Variants in KCTD19 observed in about 807,000 individuals in gnomAD.
KCTD19 encodes BTB/POZ domain-containing protein KCTD19.
KCTD19 carries 67 observed loss-of-function variants against 103.5 expected under a neutral mutation model. That is an observed-to-expected ratio of 0.65 (90% CI 0.53 to 0.79). The LOEUF is 0.79. KCTD19 is among the 30% of genes least tolerant of loss of function. KCTD19 has a pLI of 0.00. For synonymous variants in KCTD19, 439 were observed against 452.2 expected, an observed-to-expected ratio of 0.97 and a Z score of 0.37; for missense variants, 980 against 1,136.1, an observed-to-expected ratio of 0.86 and a Z score of 1.98.
chr16:67,306,352 G>T (rs567934585), intron 2 of KCTD19, among the ~76,000 whole-genome samples: 1 of 152,028 alleles, frequency 6.6e-6, no homozygotes, highest in African/African-American at 2.4e-5. Context: ...TGCAACCTCC[G>T]CCTCCTGGGT....
intron 11 of KCTD19, 77 bp downstream of exon 11, chr16:67,294,503 A>C: frequency 1.0e-6 from 1 of 1,003,142 alleles, no homozygotes; most frequent in Non-Finnish European, 1.6e-6. Flanking sequence ...CCAGTAGCTG[A>C]ACCTACCCCC....
At chr16:67,302,010 T>G in intron 4 of KCTD19, 88 bp from the exon 5 acceptor site, 1 of 1,213,462 alleles carries the variant, frequency 8.2e-7, no homozygotes, top group South Asian at 1.3e-5. Flanking sequence ...TCTGGTGCTG[T>G]AACTTATCCT....
In KCTD19 at chr16:67,289,680, A is replaced by C. The variant is rs376980368; in HGVS notation, c.2670T>G (p.Leu890=). The C allele has an allele frequency of 6.2e-7, 1 of 1,611,322 alleles. No homozygotes were observed. Among genetic ancestry groups the C allele is most frequent in the Non-Finnish European group, 8.5e-7 (1 of 1,177,636 alleles). ...TQERLYSWVE[L]TLPFARKYGR... is the part of the protein sequence containing the mutation. ...CATATTTCCTGGCGAAGGGCAGTGT[A>C]AGCTGGAAGGAAAGGCCAGTCTTAT... is the stretch of plus-strand genomic sequence containing the variant. The change falls in exon 16 of 16, where the codon CTT becomes CTG. Residue 890 remains leucine, a splice_region_variant and synonymous_variant. Coordinates refer to ENST00000304372, the MANE Select transcript of KCTD19 (RefSeq NM_001100915.3).
intron 2 of KCTD19, among the ~76,000 whole-genome samples, chr16:67,306,315 G>C (rs1451654671): frequency 1.3e-5 from 2 of 152,212 alleles, no homozygotes; most frequent in African/African-American, 4.8e-5. Context: ...ACCCAGGCTG[G>C]AGTGCAGTGG....
chr16:67,294,690 A>G lies in KCTD19; in HGVS notation c.1480T>C (p.Trp494Arg), dbSNP rs1302130014. 4.3e-6 allele frequency: 7 copies of G among 1,612,286 alleles called. No homozygotes were observed. Among genetic ancestry groups the G allele is most frequent in the Non-Finnish European group, 5.9e-6 (7 of 1,178,402 alleles). ...ALAQCEAYKS[W>R]TQEKESENEE... ...TTTTCAGATTCTTTCTCCTGAGTCC[A>G]TGACCTGCAGAAACCAAGAGGGGTT... Residue 494 changes from tryptophan (W) to arginine (R), a missense_variant, in exon 11 of 16, where the codon TGG becomes CGG. Physicochemically the swap from Trp to Arg is moderately radical, Grantham distance 101 (BLOSUM62 -3). Coordinates refer to ENST00000304372, the MANE Select transcript of KCTD19 (RefSeq NM_001100915.3).
chr16:67,313,674 C>T (rs761024097), intron 2 of KCTD19, among the ~76,000 whole-genome samples: 15 of 151,992 alleles, frequency 9.9e-5, no homozygotes, highest in East Asian at 2.0e-4. Flanking sequence ...CTGCAACCTC[C>T]GCCTCCCGGG....
Position 67,294,970 on chromosome 16 carries a change from T to TA in KCTD19, c.1475+2dup. On this transcript the variant is annotated splice_region_variant and intron_variant, in intron 10 of 15. Transcript: ENST00000304372. ...ACATAGAGTCGTGATAAAGTTTTCTTACTTGTATGCTTCACATTGTGCAAG... is the reference window on the plus strand; with the variant it reads ...ACATAGAGTCGTGATAAAGTTTTCTTAACTTGTATGCTTCACATTGTGCAAG... 6.2e-7 allele frequency: 1 copy of TA among 1,606,792 alleles called. No individual in the cohort carries two copies. The highest frequency in any genetic ancestry group is 8.5e-7 in the Non-Finnish European group (1 of 1,173,654).
chr16:67,294,293 G>A, intron 11 of KCTD19, 122 bp from the exon 12 acceptor site: 1 of 1,100,578 alleles, frequency 9.1e-7, no homozygotes, highest in Non-Finnish European at 1.3e-6. Context: ...TCCCATCCCT[G>A]ACAGGGGTCA....
At chr16:67,324,784 C>T (rs2037111703) in intron 1 of KCTD19, among the ~76,000 whole-genome samples, 1 of 152,036 alleles carries the variant, frequency 6.6e-6, no homozygotes, top group African/African-American at 2.4e-5. Context: ...TAAAGAAGAG[C>T]AATTATATAT....
chr16:67,295,624 C>A, intron 8 of KCTD19: 1 of 460,036 alleles, frequency 2.2e-6, no homozygotes, highest in East Asian at 3.7e-5. Context: ...CTAGACCACC[C>A]TCTCAAGGCA....
intron 1 of KCTD19, among the ~76,000 whole-genome samples, chr16:67,321,400 CATT>C (rs1224353917): frequency 6.6e-6 from 1 of 152,198 alleles, no homozygotes; most frequent in Non-Finnish European, 1.5e-5. Flanking sequence ...AACTTCAAAA[CATT>C]GTTGAAAATT....
chr16:67,311,347 A>C (rs2036946779), intron 2 of KCTD19, among the ~76,000 whole-genome samples: 1 of 151,972 alleles, frequency 6.6e-6, no homozygotes, highest in Non-Finnish European at 1.5e-5. Context: ...TTCAAGCTAG[A>C]GTGCAGTGGC....
intron 2 of KCTD19, among the ~76,000 whole-genome samples, chr16:67,317,340 G>A (rs1240272483): frequency 1.3e-5 from 2 of 151,972 alleles, no homozygotes; most frequent in Non-Finnish European, 1.5e-5. Flanking sequence ...TTAGCTGGGC[G>A]TGGTGCTGCA....
intron 2 of KCTD19, among the ~76,000 whole-genome samples, chr16:67,308,880 C>T (rs2036921405): frequency 6.6e-6 from 1 of 152,094 alleles, no homozygotes; most frequent in Non-Finnish European, 1.5e-5. Context: ...CACCTGTAAT[C>T]CCAGCACTTT....
intron 4 of KCTD19, chr16:67,302,907 A>G (rs1419932063): frequency 3.9e-6 from 2 of 517,738 alleles, no homozygotes; most frequent in Non-Finnish European, 6.8e-6. Context: ...AGTGCCTGAC[A>G]CTTTTACAGC....
chr16:67,314,260 CCCTT>C (rs1435631731), intron 2 of KCTD19, among the ~76,000 whole-genome samples: 1 of 149,814 alleles, frequency 6.7e-6, no homozygotes, highest in African/African-American at 2.5e-5. Context: ...CTCTTCCCTT[CCCTT>C]CCTTCCTTTC....
At chr16:67,325,184 TTTTTTTC>T in intron 1 of KCTD19, among the ~76,000 whole-genome samples, 1 of 128,426 alleles carries the variant, frequency 7.8e-6, no homozygotes, top group African/African-American at 3.0e-5. Flanking sequence ...CTTTCTTTCT[TTTTTTTC>T]TTTTTTTCTT....
rs1321938829 is a variant in KCTD19 at position 67,295,022 on chromosome 16, A to T, written c.1426T>A (p.Tyr476Asn). The T allele has an allele frequency of 6.2e-7, 1 of 1,614,008 alleles. No individual in the cohort carries two copies. Among genetic ancestry groups the T allele is most frequent in the Admixed American group, 1.7e-5 (1 of 60,008 alleles). The part of the protein sequence containing the change: ...WPLFCQEVEE[Y>N]HIPSLSEALA... Reference sequence around the variant, plus strand: ...GCTTCTGAGAGGGATGGAATGTGGTATTCCTCCACCTCCTGGCAGAAGAGG... The same window carrying T: ...GCTTCTGAGAGGGATGGAATGTGGTTTTCCTCCACCTCCTGGCAGAAGAGG... Residue 476 changes from tyrosine to asparagine, a missense_variant, in exon 10 of 16, where the codon TAC becomes AAC. Coordinates refer to ENST00000304372, the MANE Select transcript of KCTD19 (RefSeq NM_001100915.3).
intron 2 of KCTD19, among the ~76,000 whole-genome samples, chr16:67,314,247 CCT>C (rs1183665990): frequency 2.0e-5 from 3 of 150,600 alleles, no homozygotes; most frequent in African/African-American, 4.9e-5. Flanking sequence ...CCTCCTTCCC[CCT>C]CTCTTCCCTT....
Sources: gnomAD v4.1 joint callset for allele counts (sites outside exome capture counted in the v4.1 genomes callset) on GRCh38, gnomAD v4.1.1 for gene constraint, MANE v1.5 for transcripts, NCBI Gene and HGNC (gene_info 2026-07-23, HGNC 2026-07-21) for gene names.